ANP32B: variants seen among roughly 807,000 people sequenced by gnomAD.
The protein encoded by ANP32B is acidic leucine-rich nuclear phosphoprotein 32 family member B.
A neutral mutation model predicts 32.2 loss-of-function variants in ANP32B; 6 were observed. That is an observed-to-expected ratio of 0.19 (90% confidence interval 0.10 to 0.37). The LOEUF (loss-of-function observed/expected upper bound fraction) is 0.37, where lower values mean the gene tolerates loss of function less well. Among genes scored for constraint, ANP32B ranks in the 10% least tolerant of loss-of-function variants. The probability of loss-of-function intolerance (pLI) is 1.00; values close to 1 mark genes in which losing one functional copy is unlikely to be tolerated. For missense variants in ANP32B, 204 were observed against 289.2 expected, an observed-to-expected ratio of 0.71 and a Z score of 2.14; for synonymous variants, 98 against 105.8, an observed-to-expected ratio of 0.93 and a Z score of 0.45.
rs143840525 is a variant in ANP32B, at chr9:98,011,597, C to T, written c.636+208C>T. Among the ~76,000 whole-genome samples the T allele has an allele frequency of 2.2e-3, 334 of 152,246 alleles. 2 individuals carry two copies. The highest frequency in any genetic ancestry group is 7.7e-3 in the African/African-American group (319 of 41,542). On this transcript the variant is annotated intron_variant, in intron 5 of 6. Coordinates refer to ENST00000339399, the MANE Select transcript of ANP32B (RefSeq NM_006401.3). ...AATGCCTACTGAACTCAAACTAGTA[C>T]GGTTCCTGGCTGTGCAAGGTAAGTT...
intron 1 of ANP32B, among the ~76,000 whole-genome samples, chr9:97,984,212 G>A (rs1431318173): frequency 6.6e-6 from 1 of 150,958 alleles, no homozygotes; most frequent in Admixed American, 6.6e-5. Flanking sequence ...GGAGGCCTGG[G>A]CGGGCGCGGC....
intron 1 of ANP32B, 53 bp downstream of exon 1, chr9:97,983,662 G>C (rs1284827728): frequency 1.6e-5 from 23 of 1,414,606 alleles, no homozygotes; most frequent in Non-Finnish European, 2.2e-5. Flanking sequence ...GCATGTAATG[G>C]TGGCCACCTG....
intron 6 of ANP32B, among the ~76,000 whole-genome samples, chr9:98,013,012 G>A (rs1828214323): frequency 6.6e-6 from 1 of 152,194 alleles, no homozygotes; most frequent in South Asian, 2.1e-4. Flanking sequence ...TTACAGGCGT[G>A]AGCCACCACA....
At chr9:97,995,433 C>A (rs939297216) in intron 2 of ANP32B, among the ~76,000 whole-genome samples, 1 of 152,186 alleles carries the variant, frequency 6.6e-6, no homozygotes, top group African/African-American at 2.4e-5. Context: ...TCTGCCATTT[C>A]AATATTCGCT....
chr9:98,009,486 T>C (rs1180522633), intron 4 of ANP32B, among the ~76,000 whole-genome samples: 1 of 152,138 alleles, frequency 6.6e-6, no homozygotes, highest in East Asian at 1.9e-4. Flanking sequence ...GCTGAATGGT[T>C]TTGGGATGAA....
chr9:98,003,870 GAT>G (rs1828034265), intron 3 of ANP32B, among the ~76,000 whole-genome samples: 1 of 152,130 alleles, frequency 6.6e-6, no homozygotes, highest in African/African-American at 2.4e-5. Context: ...AAGCTATCCA[GAT>G]ATATGTAGTT....
intron 2 of ANP32B, among the ~76,000 whole-genome samples, chr9:97,995,741 C>T (rs1377870108): frequency 6.6e-6 from 1 of 151,706 alleles, no homozygotes; most frequent in African/African-American, 2.4e-5. Context: ...GCCAACATGG[C>T]AAAACCCCAT....
At chr9:98,011,229 G>A (rs1336897093) in intron 4 of ANP32B, 42 bp from the exon 5 acceptor site, 5 of 1,543,828 alleles carry the variant, frequency 3.2e-6, no homozygotes. Context: ...CCCCTGTGGA[G>A]CGTCGAGGAT....
chr9:98,005,031 G>C lies in ANP32B; in HGVS notation c.395G>C (p.Arg132Pro). ...NCEVTNLNDY[R>P]ESVFKLLPQL... ...GAGGTTACCAACCTGAATGACTACCGAGAGAGTGTCTTCAAGCTCCTGCCC... is the reference window on the plus strand; with the variant it reads ...GAGGTTACCAACCTGAATGACTACCCAGAGAGTGTCTTCAAGCTCCTGCCC... The change falls in exon 4 of 7, where the codon CGA (arginine) becomes CCA (proline). Residue 132 changes from arginine to proline, a missense_variant. Coordinates refer to ENST00000339399, the MANE Select transcript of ANP32B (RefSeq NM_006401.3). The C allele has an allele frequency of 6.2e-7, 1 of 1,614,072 alleles. No homozygotes were observed. Among genetic ancestry groups the C allele is most frequent in the Non-Finnish European group, 8.5e-7 (1 of 1,179,990 alleles).
chr9:97,996,298 C>G (rs1827904650), intron 2 of ANP32B, among the ~76,000 whole-genome samples: 1 of 152,148 alleles, frequency 6.6e-6, no homozygotes, highest in Non-Finnish European at 1.5e-5. Context: ...TCTCTGTACT[C>G]TCAGACTTAT....
At chr9:98,000,587 A>T (rs1827973519) in intron 3 of ANP32B, among the ~76,000 whole-genome samples, 1 of 152,108 alleles carries the variant, frequency 6.6e-6, no homozygotes, top group Non-Finnish European at 1.5e-5. Context: ...GAGTTTAGAG[A>T]ATGTAGATAA....
At chr9:98,014,942 G>A (rs763290296) in intron 6 of ANP32B, among the ~76,000 whole-genome samples, 44 of 152,100 alleles carry the variant, frequency 2.9e-4, no homozygotes, top group Non-Finnish European at 6.0e-4. Context: ...TAGTAGAGAC[G>A]GAGTTTCACC....
In ANP32B at chr9:98,012,457, G is replaced by A. The variant is rs772534076; in HGVS notation, c.673G>A (p.Glu225Lys). The stretch of plus-strand genomic sequence containing the variant: ...TGGACTTGATGAAGAAGATGAAGAT[G>A]AGGATGAGGATGAAGGTGGGCCTAA... ...EFGLDEEDED[E>K]DEDEEEEEGG... The change falls in exon 6 of 7, where the codon GAG becomes AAG. Residue 225 changes from glutamate to lysine, a missense_variant. By Grantham distance (56) the Glu-to-Lys change is moderately conservative. Transcript: ENST00000339399. 1 of 1,612,662 alleles carries A rather than the reference G, an allele frequency of 6.2e-7. No individual in the cohort carries two copies. The highest frequency in any genetic ancestry group is 8.5e-7 in the Non-Finnish European group (1 of 1,179,672).
intron 3 of ANP32B, among the ~76,000 whole-genome samples, chr9:98,001,538 A>G (rs1827992751): frequency 6.6e-6 from 1 of 151,746 alleles, no homozygotes; most frequent in Admixed American, 6.6e-5. Flanking sequence ...GTACCTTTTC[A>G]CTGTTGGCCA....
intron 4 of ANP32B, among the ~76,000 whole-genome samples, chr9:98,008,555 C>T (rs1343925563): frequency 2.0e-5 from 3 of 152,128 alleles, no homozygotes; most frequent in Non-Finnish European, 2.9e-5. Flanking sequence ...GGATTAAAGT[C>T]GAGGTGGAAT....
intron 2 of ANP32B, among the ~76,000 whole-genome samples, chr9:97,997,827 C>T (rs1587874800): frequency 6.6e-6 from 1 of 152,226 alleles, no homozygotes; most frequent in African/African-American, 2.4e-5. Context: ...TCCTTCTACT[C>T]TAAGATTCTA....
chr9:98,007,452 G>A (rs1828105455), intron 4 of ANP32B, among the ~76,000 whole-genome samples: 1 of 152,206 alleles, frequency 6.6e-6, no homozygotes, highest in African/African-American at 2.4e-5. Context: ...CAAGTCTGCC[G>A]ATGTTGACAA....
intron 6 of ANP32B, 23 bp downstream of exon 6, chr9:98,012,495 G>A (rs767470517): frequency 5.0e-6 from 8 of 1,607,264 alleles, no homozygotes. Context: ...CATGCATTTT[G>A]ATCATTCTCA....
rs1827638257 is a variant in ANP32B at position 97,983,689 on chromosome 9, G to T, written c.54+80G>T. On this transcript the variant is annotated intron_variant, in intron 1 of 6. Coordinates refer to ENST00000339399, the MANE Select transcript of ANP32B (RefSeq NM_006401.3). ...GGCCACCTGCGGGGCCCGGGCTGAGGGTTCGCCGGCCCCGGCGCGGGGAAG... is the reference window on the plus strand; with the variant it reads ...GGCCACCTGCGGGGCCCGGGCTGAGTGTTCGCCGGCCCCGGCGCGGGGAAG... 3.3e-6 allele frequency: 4 copies of T among 1,203,728 alleles called. No individual in the cohort carries two copies. The South Asian group carries it at 4.9e-5, about 15-fold the overall frequency. 74.6% of individuals were successfully genotyped at this position (1,203,728 alleles called of 1,614,324 possible). A position where few individuals can be genotyped will look rare whatever the true frequency, so the allele number is the denominator to read the frequency against.
Sources: gnomAD v4.1 joint callset for allele counts (sites outside exome capture counted in the v4.1 genomes callset) on GRCh38, gnomAD v4.1.1 for gene constraint, MANE v1.5 for transcripts, NCBI Gene and HGNC (gene_info 2026-07-23, HGNC 2026-07-21) for gene names.